The following FXYD6 variants were observed in gnomAD, a reference collection of about 807,000 sequenced individuals.
FXYD6 encodes the protein FXYD domain containing ion transport regulator 6, also known as FXYD domain-containing ion transport regulator 6.
A neutral mutation model predicts 16.7 loss-of-function variants in FXYD6; 7 were observed. That is an observed-to-expected ratio of 0.42 (90% CI 0.24 to 0.79). FXYD6 has a LOEUF of 0.79. FXYD6 is among the 30% of genes least tolerant of loss of function. The pLI is 0.28. For missense variants in FXYD6, 111 were observed against 116.2 expected, an observed-to-expected ratio of 0.95 and a Z score of 0.21; for synonymous variants, 49 against 43.0, an observed-to-expected ratio of 1.14 and a Z score of -0.54.
rs759284093 is a variant in FXYD6, at chr11:117,838,273, A to C, written c.*26T>G. On this transcript the variant is annotated 3_prime_UTR_variant, in exon 8 of 8. Coordinates refer to ENST00000526014, the MANE Select transcript of FXYD6 (RefSeq NM_022003.4). ...GGTTCAAGCAGCCGCCTCAGGTTCCAGAGGCTGAGGAGGAGGATAATTTAA... is the reference window on the plus strand; with the variant it reads ...GGTTCAAGCAGCCGCCTCAGGTTCCCGAGGCTGAGGAGGAGGATAATTTAA... The C allele has an allele frequency of 1.1e-5, 8 of 702,478 alleles. No homozygotes were observed. The South Asian group carries it at 1.2e-4, about 10-fold the overall frequency. The allele number at this position is 702,478 out of a possible 1,614,324, so 43.5% of individuals were successfully genotyped here.
At chr11:117,843,025 C>T (rs1399467064) in intron 1 of FXYD6, among the ~76,000 whole-genome samples, 5 of 152,136 alleles carry the variant, frequency 3.3e-5, no homozygotes, top group Admixed American at 6.5e-5. Flanking sequence ...CCTCCGCCTC[C>T]CAGGTTCAAG....
At chr11:117,875,160 C>G (rs537208) in intron 1 of FXYD6, among the ~76,000 whole-genome samples, 150,339 of 152,194 alleles carry the variant, frequency 0.99, 74,276 homozygotes, top group East Asian at 1. Context: ...AGCATTGTAG[C>G]TGGTGTGTGG....
At chr11:117,868,283 T>C (rs1555049035) in intron 1 of FXYD6, among the ~76,000 whole-genome samples, 1 of 151,916 alleles carries the variant, frequency 6.6e-6, no homozygotes. Flanking sequence ...CTGTGCTGCG[T>C]GGGGGGCATG....
In FXYD6 at chr11:117,841,570, C is replaced by T. The variant is rs2056344742; in HGVS notation, c.172+221G>A. ...GGGAAGCCACCCTGCTCGTTCCTATCTATGCTCATTGTCATATGACATTTT... is the reference window on the plus strand; with the variant it reads ...GGGAAGCCACCCTGCTCGTTCCTATTTATGCTCATTGTCATATGACATTTT... On this transcript the variant is annotated intron_variant, in intron 4 of 7. Transcript: ENST00000526014. 5 of 616,688 alleles carry T rather than the reference C, an allele frequency of 8.1e-6. No homozygotes were observed. The Admixed American group carries it at 8.5e-5, about 10-fold the overall frequency. The allele number at this position is 616,688 out of a possible 1,614,324, so 38.2% of individuals were successfully genotyped here. A position where few individuals can be genotyped will look rare whatever the true frequency, so the allele number is the denominator to read the frequency against.
chr11:117,847,060 G>T (rs1030003525), intron 1 of FXYD6, among the ~76,000 whole-genome samples: 1 of 152,128 alleles, frequency 6.6e-6, no homozygotes, highest in African/African-American at 2.4e-5. Flanking sequence ...TTCCATAAAT[G>T]CTTTCATACA....
At chr11:117,874,321 C>A (rs371954288) in intron 1 of FXYD6, among the ~76,000 whole-genome samples, 6 of 152,216 alleles carry the variant, frequency 3.9e-5, no homozygotes, top group Admixed American at 3.9e-4. Context: ...TTCCCCCAGG[C>A]GCCTACCGTC....
At chr11:117,856,934 G>C (rs12293380) in intron 1 of FXYD6, among the ~76,000 whole-genome samples, 3,256 of 152,288 alleles carry the variant, frequency 0.021, 119 homozygotes, top group African/African-American at 0.073. Context: ...CTGGGATTGG[G>C]AGGTGGGCAG....
chr11:117,841,892 G>C (rs1475739960), intron 3 of FXYD6, 27 bp from the exon 4 acceptor site: 1 of 1,614,046 alleles, frequency 6.2e-7, no homozygotes, highest in Non-Finnish European at 8.5e-7. Flanking sequence ...GGGTGAGAGA[G>C]GAAGGGGCCA....
intron 6 of FXYD6, 30 bp downstream of exon 6, chr11:117,840,289 C>T (rs751198890): frequency 6.2e-7 from 1 of 1,614,146 alleles, no homozygotes; most frequent in Non-Finnish European, 8.5e-7. Context: ...TCCCTCTTTT[C>T]CACCTGGGCA....
At chr11:117,864,850 G>C (rs1312783266) in intron 1 of FXYD6, among the ~76,000 whole-genome samples, 5 of 152,170 alleles carry the variant, frequency 3.3e-5, no homozygotes, top group Non-Finnish European at 7.3e-5. Context: ...CTCCCAAAGT[G>C]CTGGGATTAC....
intron 1 of FXYD6, among the ~76,000 whole-genome samples, chr11:117,874,822 G>T (rs749352916): frequency 1.3e-5 from 2 of 152,244 alleles, no homozygotes; most frequent in African/African-American, 2.4e-5. Flanking sequence ...CTGGAGCTCC[G>T]GACTGGGGCT....
In FXYD6 at chr11:117,841,831, G is replaced by C. The variant is rs773795562; in HGVS notation, c.132C>G (p.Phe44Leu). 1 of 1,613,902 alleles carries C rather than the reference G, an allele frequency of 6.2e-7. No homozygotes were observed. The highest frequency in any genetic ancestry group is 8.5e-7 in the Non-Finnish European group (1 of 1,179,990). Residue 44 changes from phenylalanine to leucine, a missense_variant, in exon 4 of 8, where the codon TTC becomes TTG. Physicochemically the swap from Phe to Leu is conservative, Grantham distance 22. Transcript: ENST00000526014. ...YQTLRIGGLV[F>L]AVVLFSVGIL... ...TCCCAACCGAGAAGAGGACCACAGC[G>C]AACACCAGTCCCCCAATCCTCAGGG...
intron 1 of FXYD6, among the ~76,000 whole-genome samples, chr11:117,848,529 GA>G (rs2056529136): frequency 6.6e-6 from 1 of 152,064 alleles, no homozygotes; most frequent in Non-Finnish European, 1.5e-5. Context: ...CTGGTTTGGG[GA>G]TGGCAGTACT....
intron 1 of FXYD6, among the ~76,000 whole-genome samples, chr11:117,858,830 CAGTGGTGCG>C: frequency 6.7e-6 from 1 of 149,208 alleles, no homozygotes; most frequent in African/African-American, 2.5e-5. Flanking sequence ...CTGGAGTGTG[CAGTGGTGCG>C]ATCTTGGCTC....
chr11:117,864,931 C>T (rs1299263372), intron 1 of FXYD6, among the ~76,000 whole-genome samples: 1 of 152,120 alleles, frequency 6.6e-6, no homozygotes, highest in Non-Finnish European at 1.5e-5. Context: ...TCAAAAGACA[C>T]AATCAACAGA....
chr11:117,852,193 C>G (rs1273606139), intron 1 of FXYD6, among the ~76,000 whole-genome samples: 1 of 152,240 alleles, frequency 6.6e-6, no homozygotes, highest in Admixed American at 6.5e-5. Flanking sequence ...CCAGTCAATT[C>G]TCTTATCAGA....
intron 2 of FXYD6, 109 bp from the exon 3 acceptor site, chr11:117,842,137 C>A: frequency 1.3e-6 from 2 of 1,537,614 alleles, no homozygotes. Flanking sequence ...TCCAGAGGAG[C>A]AGGGCCCATT....
At chr11:117,841,259 T>C in intron 4 of FXYD6, 75 bp from the exon 5 acceptor site, 1 of 1,605,372 alleles carries the variant, frequency 6.2e-7, no homozygotes, top group Non-Finnish European at 8.5e-7. Flanking sequence ...GTGCAGGTTG[T>C]GGGACTATGT....
intron 1 of FXYD6, among the ~76,000 whole-genome samples, chr11:117,849,108 T>G (rs187008196): frequency 6.9e-4 from 105 of 152,342 alleles, no homozygotes; most frequent in Admixed American, 1.8e-3. Context: ...TCCCTCTAAG[T>G]GCTTTTAAAG....
Sources: gnomAD v4.1 joint callset for allele counts (sites outside exome capture counted in the v4.1 genomes callset) on GRCh38, gnomAD v4.1.1 for gene constraint, MANE v1.5 for transcripts, NCBI Gene and HGNC (gene_info 2026-07-23, HGNC 2026-07-21) for gene names.